SRD5A1: variants seen among roughly 807,000 people sequenced by gnomAD.
SRD5A1 encodes the protein 3-oxo-5-alpha-steroid 4-dehydrogenase 1.
SRD5A1 carries 22 observed loss-of-function variants against 28.2 expected under a neutral mutation model. That is an observed-to-expected ratio of 0.78 (90% CI 0.56 to 1.12). The LOEUF is 1.12. Among genes scored for constraint, SRD5A1 ranks in the 50% most tolerant of loss-of-function variants. The pLI is 0.00. For synonymous variants in SRD5A1, 151 were observed against 135.0 expected (o/e 1.12, Z -0.82); for missense variants, 300 against 346.7 (o/e 0.87, Z 1.07).
intron 3 of SRD5A1, among the ~76,000 whole-genome samples, chr5:6,660,001 C>T (rs912373308): frequency 5.3e-5 from 8 of 152,260 alleles, no homozygotes; most frequent in Non-Finnish European, 8.8e-5. Context: ...CTTTCAGAAA[C>T]GCTTCGCAGG....
rs754412954 is a variant in SRD5A1 at position 6,651,960 on chromosome 5, T to C, written c.412T>C (p.Cys138Arg). The change falls in exon 2 of 5, where the codon TGT becomes CGT. Residue 138 changes from cysteine (C) to arginine (R), a missense_variant. This residue lies in a region of SRD5A1 where 126 missense variants were observed against 185.7 expected (regional missense o/e 0.68). Transcript: ENST00000274192. Reference protein sequence around the residue: ...GYLQSRYLSHCAVYADDWVTD... With the variant: ...GYLQSRYLSHRAVYADDWVTD... ...TTTGCAAAGCAGATACTTGAGCCAT[T>C]GTGCAGTGTATGCTGATGACTGGGT... 2 of 1,614,210 alleles carry C rather than the reference T, an allele frequency of 1.2e-6. No individual in the cohort carries two copies. Among genetic ancestry groups the C allele is most frequent in the Non-Finnish European group, 1.7e-6 (2 of 1,180,020 alleles).
At chr5:6,633,964 C>A in intron 1 of SRD5A1, 95 bp downstream of exon 1, 1 of 1,377,264 alleles carries the variant, frequency 7.3e-7, no homozygotes, top group South Asian at 1.2e-5. Flanking sequence ...CCCGAAGCCT[C>A]CCCCACCCAG....
Position 6,668,346 on chromosome 5 carries a change from T to G in SRD5A1, c.*78T>G, listed in dbSNP as rs2126557505. The stretch of plus-strand genomic sequence containing the variant: ...CTATGGACTTTGTAAATAAGTTATA[T>G]CTTTGTAATTTTCCTGCTACTTTAT... On this transcript the variant is annotated 3_prime_UTR_variant, in exon 5 of 5. Transcript: ENST00000274192. 5 of 900,372 alleles carry G rather than the reference T, an allele frequency of 5.6e-6. No homozygotes were observed. Among genetic ancestry groups the G allele is most frequent in the Non-Finnish European group, 8.4e-6 (5 of 594,696 alleles). The allele number at this position is 900,372 out of a possible 1,614,324, so 55.8% of individuals were successfully genotyped here.
rs1375441806 is a variant in SRD5A1 at position 6,637,493 on chromosome 5, TG to T, written c.293+3630del. The stretch of plus-strand genomic sequence containing the variant: ...TAGCTCTGAACTGTGTCGGAGTCGC[TG>T]GGGGGCTTTGCAGACTGTGCCTGAC... On this transcript the variant is annotated intron_variant, in intron 1 of 4. Transcript: ENST00000274192. Among the ~76,000 whole-genome samples the T allele has an allele frequency of 5.3e-5, 8 of 152,248 alleles. No individual in the cohort carries two copies. The East Asian group carries it at 1.4e-3, about 26-fold the overall frequency.
Position 6,633,487 on chromosome 5 carries a change from C to T in SRD5A1, c.-90C>T, listed in dbSNP as rs1738041346. The T allele has an allele frequency of 1.5e-6, 2 of 1,344,780 alleles. No individual in the cohort carries two copies. The highest frequency in any genetic ancestry group is 3.7e-5 in the Admixed American group (1 of 27,064). 83.3% of individuals were successfully genotyped at this position (1,344,780 alleles called of 1,614,324 possible). A position where few individuals can be genotyped will look rare whatever the true frequency, so the allele number is the denominator to read the frequency against. ...TGCGGGACTCCGGTAGCCGCCCCTC[C>T]GGTAGCCGCCCCTCCTGCCCCCGCG... On this transcript the variant is annotated 5_prime_UTR_variant, in exon 1 of 5. Coordinates refer to ENST00000274192, the MANE Select transcript of SRD5A1 (RefSeq NM_001047.4).
chr5:6,666,904 GC>G (rs996548377), intron 4 of SRD5A1, among the ~76,000 whole-genome samples: 4 of 152,178 alleles, frequency 2.6e-5, no homozygotes, highest in African/African-American at 9.7e-5. Context: ...CATGTACTCT[GC>G]CCTTGCCTTT....
At chr5:6,644,979 C>T in intron 1 of SRD5A1, 1 of 455,984 alleles carries the variant, frequency 2.2e-6, no homozygotes, top group Middle Eastern at 3.3e-4. Flanking sequence ...AGAATACCCA[C>T]CTCACTGATG....
chr5:6,635,349 T>C lies in SRD5A1; in HGVS notation c.293+1480T>C, dbSNP rs142971867. Among the ~76,000 whole-genome samples the C allele has an allele frequency of 1.9e-4, 29 of 152,302 alleles. No homozygotes were observed. The East Asian group carries it at 4.8e-3, about 25-fold the overall frequency. On this transcript the variant is annotated intron_variant, in intron 1 of 4. Transcript: ENST00000274192. The stretch of plus-strand genomic sequence containing the variant: ...GGAATGGGATCAACCATTGCTACAA[T>C]TTGAATATTAGTCAGACTTTGCTGT...
At chr5:6,645,810 T>A (rs1738492384) in intron 1 of SRD5A1, among the ~76,000 whole-genome samples, 1 of 152,212 alleles carries the variant, frequency 6.6e-6, no homozygotes, top group Non-Finnish European at 1.5e-5. Flanking sequence ...CTGGATTTCG[T>A]AAGTCTAAAT....
intron 2 of SRD5A1, among the ~76,000 whole-genome samples, chr5:6,655,224 G>T (rs1738796796): frequency 6.6e-6 from 1 of 152,186 alleles, no homozygotes; most frequent in Admixed American, 6.5e-5. Flanking sequence ...AGCAGCATCT[G>T]TCTTTCCCAT....
At chr5:6,652,554 C>A (rs985202505) in intron 2 of SRD5A1, among the ~76,000 whole-genome samples, 4 of 152,050 alleles carry the variant, frequency 2.6e-5, no homozygotes, top group African/African-American at 7.2e-5. Flanking sequence ...AAACAGCCAT[C>A]AAAAATATTT....
rs371216913 is a variant in SRD5A1, at chr5:6,662,909, C to T, written c.656C>T (p.Ala219Val). The T allele has an allele frequency of 1.9e-5, 31 of 1,613,846 alleles. No homozygotes were observed. The highest frequency in any genetic ancestry group is 8.9e-5 in the East Asian group (4 of 44,888). Reference protein sequence around the residue: ...YALASWSVQGAAFAFFTFCFL... With the variant: ...YALASWSVQGVAFAFFTFCFL... ...CTGGCCAGCTGGTCTGTCCAAGGCG[C>T]GGCTTTTGCTTTCTTCACGTTTTGT... The change falls in exon 4 of 5, where the codon GCG (alanine) becomes GTG (valine). Residue 219 changes from alanine (A) to valine (V), a missense_variant. By Grantham distance (64) the Ala-to-Val change is moderately conservative. Coordinates refer to ENST00000274192, the MANE Select transcript of SRD5A1 (RefSeq NM_001047.4).
At chr5:6,653,181 G>A (rs1738728214) in intron 2 of SRD5A1, among the ~76,000 whole-genome samples, 1 of 152,126 alleles carries the variant, frequency 6.6e-6, no homozygotes, top group African/African-American at 2.4e-5. Flanking sequence ...ACATTTCTCA[G>A]CCATGTTTTT....
intron 1 of SRD5A1, chr5:6,645,343 T>A (rs1738478945): frequency 4.9e-6 from 1 of 203,358 alleles, no homozygotes; most frequent in South Asian, 7.5e-5. Flanking sequence ...TCACCCATTT[T>A]AAGTCTGTAA....
In SRD5A1 at chr5:6,669,126, A is replaced by C. The variant is rs1182368461; in HGVS notation, c.*858A>C. 3 of 152,152 alleles carry C rather than the reference A, an allele frequency of 2.0e-5. No homozygotes were observed. 9.4% of individuals were successfully genotyped at this position (152,152 alleles called of 1,614,324 possible). A position where few individuals can be genotyped will look rare whatever the true frequency, so the allele number is the denominator to read the frequency against. ...GATATAGTAGAGATTGTTGTCTGTGAAATTTCTCTTTTGTAGATTTTGAGT... is the reference window on the plus strand; with the variant it reads ...GATATAGTAGAGATTGTTGTCTGTGCAATTTCTCTTTTGTAGATTTTGAGT... On this transcript the variant is annotated 3_prime_UTR_variant, in exon 5 of 5. Coordinates refer to ENST00000274192, the MANE Select transcript of SRD5A1 (RefSeq NM_001047.4).
chr5:6,648,706 A>ACATGCTCCTTTGGCTCAGAG (rs1287827988), intron 1 of SRD5A1, among the ~76,000 whole-genome samples: 4 of 152,182 alleles, frequency 2.6e-5, no homozygotes, highest in Non-Finnish European at 4.4e-5. Flanking sequence ...TTGGGTTAGA[A>ACATGCTCCTTTGGCTCAGAG]CATGCTCCTT....
intron 1 of SRD5A1, among the ~76,000 whole-genome samples, chr5:6,638,930 A>C (rs956998269): frequency 2.6e-5 from 4 of 152,038 alleles, no homozygotes; most frequent in African/African-American, 9.7e-5. Context: ...AAAATTAACC[A>C]CTCTCAGTTT....
At chr5:6,657,502 G>A (rs1738868713) in intron 3 of SRD5A1, among the ~76,000 whole-genome samples, 1 of 152,234 alleles carries the variant, frequency 6.6e-6, no homozygotes, top group Non-Finnish European at 1.5e-5. Flanking sequence ...ATGGGGAACA[G>A]CATGATTCCA....
At position 6,636,259 on chromosome 5, in the gene SRD5A1, A is replaced by G. The variant is rs534999975; in HGVS notation, c.293+2390A>G. ...GAGAACCAGAGTGGAAACAGCATTTAGCACTGAACACAAACCATCCCAGCA... is the reference window on the plus strand; with the variant it reads ...GAGAACCAGAGTGGAAACAGCATTTGGCACTGAACACAAACCATCCCAGCA... On this transcript the variant is annotated intron_variant, in intron 1 of 4. Coordinates refer to ENST00000274192, the MANE Select transcript of SRD5A1 (RefSeq NM_001047.4). 7.2e-5 allele frequency among the ~76,000 whole-genome samples: 11 copies of G among 152,362 alleles called. No individual in the cohort carries two copies. In the South Asian group the frequency reaches 2.3e-3, roughly 32 times the overall value.
Sources: gnomAD v4.1 joint callset for allele counts (sites outside exome capture counted in the v4.1 genomes callset) on GRCh38, gnomAD v4.1.1 for gene constraint, gnomAD v4.1.1 regional missense constraint, MANE v1.5 for transcripts, NCBI Gene and HGNC (gene_info 2026-07-23, HGNC 2026-07-21) for gene names.